The following TNC variants were observed in gnomAD, a reference collection of about 807,000 sequenced individuals.
TNC encodes the protein tenascin.
Under a neutral mutation model 202.4 loss-of-function variants are expected in TNC, and 109 were observed. That is an observed-to-expected ratio of 0.54 (90% CI 0.46 to 0.63). The LOEUF (loss-of-function observed/expected upper bound fraction) is 0.63, where lower values mean the gene tolerates loss of function less well. Ranked by LOEUF, TNC falls within the 30% of genes least tolerant of loss-of-function variation. TNC has a pLI of 0.00. For synonymous variants in TNC, 1,007 were observed against 1,089.7 expected (o/e 0.92, Z 1.50); for missense variants, 2,756 against 2,833.3 (o/e 0.97, Z 0.62).
chr9:115,079,305 G>T (rs1236943722), intron 6 of TNC, among the ~76,000 whole-genome samples: 1 of 151,838 alleles, frequency 6.6e-6, no homozygotes, highest in Non-Finnish European at 1.5e-5. Context: ...TTTATACAGG[G>T]AATGAAAAGG....
intron 13 of TNC, among the ~76,000 whole-genome samples, chr9:115,061,230 C>G (rs1291199122): frequency 6.6e-6 from 1 of 152,110 alleles, no homozygotes; most frequent in African/African-American, 2.4e-5. Context: ...CTGTGAGAGT[C>G]TGAGCAACCT....
chr9:115,044,384 G>GACACACACACACAC (rs113847516), intron 17 of TNC, among the ~76,000 whole-genome samples: 5 of 147,216 alleles, frequency 3.4e-5, no homozygotes, highest in East Asian at 2.0e-4. Flanking sequence ...CAGGCATGTA[G>GACACACACACACAC]ACACACACAC....
chr9:115,066,752 G>C (rs865956603), intron 10 of TNC, among the ~76,000 whole-genome samples: 2 of 152,142 alleles, frequency 1.3e-5, no homozygotes, highest in Non-Finnish European at 2.9e-5. Context: ...TTATTTCATG[G>C]TGCATGCAAG....
At chr9:115,049,830 G>A (rs951121293) in intron 15 of TNC, among the ~76,000 whole-genome samples, 3 of 152,090 alleles carry the variant, frequency 2.0e-5, no homozygotes, top group African/African-American at 7.2e-5. Flanking sequence ...TCTAATCCAT[G>A]AGACATAAAG....
At chr9:115,077,263 A>G (rs554721268) in intron 7 of TNC, among the ~76,000 whole-genome samples, 7 of 152,048 alleles carry the variant, frequency 4.6e-5, no homozygotes, top group South Asian at 2.1e-4. Context: ...TCACTGTGTT[A>G]GCCAGAATGG....
At chr9:115,046,719 A>G (rs1831229903) in intron 16 of TNC, 37 bp from the exon 17 acceptor site, 2 of 1,608,538 alleles carry the variant, frequency 1.2e-6, no homozygotes, top group Non-Finnish European at 1.7e-6. Flanking sequence ...AGGAGGAAAG[A>G]CAACATCATT....
chr9:115,113,594 A>T (rs1048594458), intron 1 of TNC, among the ~76,000 whole-genome samples: 2 of 152,164 alleles, frequency 1.3e-5, no homozygotes, highest in Non-Finnish European at 2.9e-5. Flanking sequence ...TATGTTCAGA[A>T]CTCATGATAT....
In TNC at chr9:115,086,551, A is replaced by T; in HGVS notation, c.1180T>A (p.Cys394Ser). The change falls in exon 3 of 28, where the codon TGT (cysteine) becomes AGT (serine). Residue 394 changes from cysteine (C) to serine (S), a missense_variant. Physicochemically the swap from Cys to Ser is moderately radical, Grantham distance 112. This residue lies in a region of TNC where 2,559 missense variants were observed against 2,546.0 expected (regional missense o/e 1.01). Transcript: ENST00000350763. ...TCAGCTCCAGTGAAACCATCATCAC[A>T]CTCACACCGCCCGTCTACACAGCGG... ...RGRCVDGRCE[C>S]DDGFTGADCG... is the part of the protein sequence containing the mutation. 4 of 1,613,314 alleles carry T rather than the reference A, an allele frequency of 2.5e-6. No individual in the cohort carries two copies. Among genetic ancestry groups the T allele is most frequent in the Non-Finnish European group, 3.4e-6 (4 of 1,179,826 alleles).
chr9:115,039,665 G>A (rs1830587296), intron 19 of TNC, among the ~76,000 whole-genome samples: 1 of 152,238 alleles, frequency 6.6e-6, no homozygotes, highest in South Asian at 2.1e-4. Flanking sequence ...CCTGAGCCTT[G>A]AGGGATGAAA....
At chr9:115,037,416 G>A (rs1371689610) in intron 20 of TNC, among the ~76,000 whole-genome samples, 1 of 152,178 alleles carries the variant, frequency 6.6e-6, no homozygotes, top group Non-Finnish European at 1.5e-5. Context: ...TTTACTTTCT[G>A]GCAGCTGTAG....
At chr9:115,089,686 G>T (rs1835067831) in intron 2 of TNC, among the ~76,000 whole-genome samples, 1 of 152,154 alleles carries the variant, frequency 6.6e-6, no homozygotes, top group African/African-American at 2.4e-5. Context: ...TTTTAGTAGA[G>T]ATGGGGTTTC....
intron 10 of TNC, among the ~76,000 whole-genome samples, chr9:115,067,018 T>G (rs1189357077): frequency 6.6e-6 from 1 of 152,184 alleles, no homozygotes; most frequent in Admixed American, 6.5e-5. Context: ...CACCAGAGGC[T>G]CCAAAGCAGT....
rs1394202907 is a variant in TNC, at chr9:115,081,753, T to C, written c.2404+19A>G. The C allele has an allele frequency of 6.2e-7, 1 of 1,613,718 alleles. No individual in the cohort carries two copies. The highest frequency in any genetic ancestry group is 1.7e-5 in the Admixed American group (1 of 60,002). The stretch of plus-strand genomic sequence containing the variant: ...ACAATCAGCCTTATCATTCTATAAG[T>C]ATTAAAGGTGATACTCACGTGTGGT... On this transcript the variant is annotated intron_variant, in intron 6 of 27. Transcript: ENST00000350763.
chr9:115,086,506 G>T lies in TNC; in HGVS notation c.1225C>A (p.Pro409Thr), dbSNP rs189493565. Reference protein sequence around the residue: ...TGADCGELKCPNGCSGHGRCV... With the variant: ...TGADCGELKCTNGCSGHGRCV... ...CGGCCATGGCCACTGCAGCCATTGG[G>T]ACACTTGAGCTCCCCACAGTCAGCT... The change falls in exon 3 of 28, where the codon CCC becomes ACC. Residue 409 changes from proline to threonine, a missense_variant. Physicochemically the swap from Pro to Thr is conservative, Grantham distance 38. This residue lies in a region of TNC where 2,559 missense variants were observed against 2,546.0 expected (regional missense o/e 1.01). Transcript: ENST00000350763. The T allele has an allele frequency of 5.6e-6, 9 of 1,613,888 alleles. No homozygotes were observed. In the Admixed American group the frequency reaches 1.5e-4, roughly 27 times the overall value.
intron 10 of TNC, among the ~76,000 whole-genome samples, chr9:115,071,522 C>G (rs949138336): frequency 6.6e-6 from 1 of 152,182 alleles, no homozygotes; most frequent in Non-Finnish European, 1.5e-5. Flanking sequence ...AAGCCCCACA[C>G]CTCAGGATCT....
rs944651440 is a variant in TNC at position 115,093,743 on chromosome 9, G to A, written c.-136-2589C>T. On this transcript the variant is annotated intron_variant, in intron 1 of 27. Coordinates refer to ENST00000350763, the MANE Select transcript of TNC (RefSeq NM_002160.4). Reference sequence around the variant, plus strand: ...TTCCATCTAAAAAGCCATTATAGTTGCTGATTGAGACTCCAAGGCAAAGAG... The same window carrying A: ...TTCCATCTAAAAAGCCATTATAGTTACTGATTGAGACTCCAAGGCAAAGAG... 1.7e-4 allele frequency among the ~76,000 whole-genome samples: 26 copies of A among 151,444 alleles called. 5 individuals carry two copies. The highest frequency in any genetic ancestry group is 1.7e-3 in the Admixed American group (26 of 15,190).
rs553051205 is a variant in TNC, at chr9:115,087,225, G to A, written c.506C>T (p.Thr169Ile). Residue 169 changes from threonine to isoleucine, a missense_variant, in exon 3 of 28, where the codon ACT becomes ATT. Coordinates refer to ENST00000350763, the MANE Select transcript of TNC (RefSeq NM_002160.4). The part of the protein sequence containing the change: ...PFCSGRGNFS[T>I]EGCGCVCEPG... ...TTCGCAGACACAGCCACATCCTTCA[G>A]TGCTGAAGTTGCCCCGACCGCTACA... is the stretch of plus-strand genomic sequence containing the variant. The A allele has an allele frequency of 6.2e-7, 1 of 1,614,224 alleles. No homozygotes were observed. Among genetic ancestry groups the A allele is most frequent in the Non-Finnish European group, 8.5e-7 (1 of 1,180,046 alleles).
At chr9:115,105,589 G>C (rs1836553795) in intron 1 of TNC, among the ~76,000 whole-genome samples, 1 of 152,034 alleles carries the variant, frequency 6.6e-6, no homozygotes, top group Admixed American at 6.6e-5. Flanking sequence ...AGAAACTACT[G>C]GTAATGAAAT....
Position 115,026,631 on chromosome 9 carries a change from G to A in TNC, c.6234C>T (p.Asp2078=). 6.2e-7 allele frequency: 1 copy of A among 1,613,956 alleles called. No individual in the cohort carries two copies. Among genetic ancestry groups the A allele is most frequent in the Non-Finnish European group, 8.5e-7 (1 of 1,179,996 alleles). ...AGACAGCAAAGGCTGTCTCCCCATG[G>A]TCCCGCAGGTCCACCCGGAGCTCGT... ...GQYELRVDLR[D]HGETAFAVYD... is the part of the protein sequence containing the mutation. Residue 2078 remains aspartate (D), a synonymous_variant, in exon 26 of 28, where the codon GAC becomes GAT. Coordinates refer to ENST00000350763, the MANE Select transcript of TNC (RefSeq NM_002160.4).
Sources: gnomAD v4.1 joint callset for allele counts (sites outside exome capture counted in the v4.1 genomes callset) on GRCh38, gnomAD v4.1.1 for gene constraint, gnomAD v4.1.1 regional missense constraint, MANE v1.5 for transcripts, NCBI Gene and HGNC (gene_info 2026-07-23, HGNC 2026-07-21) for gene names.